NECTIN4: variants seen among roughly 807,000 people sequenced by gnomAD.
NECTIN4 encodes nectin cell adhesion molecule 4.
A neutral mutation model predicts 51.7 loss-of-function variants in NECTIN4; 19 were observed. The observed-to-expected ratio is 0.37, with a 90% confidence interval of 0.26 to 0.54. The LOEUF (loss-of-function observed/expected upper bound fraction) is 0.54, where lower values mean the gene tolerates loss of function less well. Ranked by LOEUF, NECTIN4 falls within the 20% of genes least tolerant of loss-of-function variation. NECTIN4 has a pLI of 0.86. For synonymous variants in NECTIN4, 283 were observed against 286.9 expected, an observed-to-expected ratio of 0.99 and a Z score of 0.14; for missense variants, 619 against 662.4, an observed-to-expected ratio of 0.93 and a Z score of 0.72.
At chr1:161,084,202 G>C (rs1653823809) in intron 1 of NECTIN4, among the ~76,000 whole-genome samples, 2 of 152,148 alleles carry the variant, frequency 1.3e-5, no homozygotes, top group African/African-American at 4.8e-5. Flanking sequence ...ACATATATGT[G>C]TTCATGTCTT....
intron 1 of NECTIN4, among the ~76,000 whole-genome samples, chr1:161,086,278 C>T (rs77038043): frequency 1.7e-4 from 26 of 152,272 alleles, no homozygotes; most frequent in African/African-American, 4.6e-4. Flanking sequence ...CTCCTTGGCC[C>T]GGCCTCCTTA....
At chr1:161,082,069 C>A (rs1653702702) in intron 1 of NECTIN4, among the ~76,000 whole-genome samples, 1 of 152,048 alleles carries the variant, frequency 6.6e-6, no homozygotes, top group Admixed American at 6.6e-5. Context: ...GTGGCTCACA[C>A]CCTAATCCCA....
chr1:161,076,490 G>A lies in NECTIN4; in HGVS notation c.731-15C>T, dbSNP rs1205236646. ...CTCAGCAAGGACTGGAATGGGAAGT[G>A]GGAGGAGAAAGAATGGGAATGATGC... On this transcript the variant is annotated splice_polypyrimidine_tract_variant and intron_variant, in intron 3 of 8. Coordinates refer to ENST00000368012, the MANE Select transcript of NECTIN4 (RefSeq NM_030916.3). The A allele has an allele frequency of 6.2e-7, 1 of 1,613,790 alleles. No homozygotes were observed.
At chr1:161,073,864 T>C in intron 6 of NECTIN4, 69 bp from the exon 7 acceptor site, 1 of 1,404,840 alleles carries the variant, frequency 7.1e-7, no homozygotes, top group East Asian at 2.3e-5. Flanking sequence ...CTATCCTGGC[T>C]GAGCCTAGTG....
rs776577224 is a variant in NECTIN4, at chr1:161,076,425, T to C, written c.781A>G (p.Ile261Val). The C allele has an allele frequency of 2.5e-6, 4 of 1,614,172 alleles. No individual in the cohort carries two copies. Among genetic ancestry groups the C allele is most frequent in the Non-Finnish European group, 2.5e-6 (3 of 1,180,006 alleles). The change falls in exon 4 of 9, where the codon ATT becomes GTT. Residue 261 changes from isoleucine to valine, a missense_variant. Physicochemically the swap from Ile to Val is conservative, Grantham distance 29. Transcript: ENST00000368012. The stretch of plus-strand genomic sequence containing the variant: ...TTGAGCATAGCTCCTTCTCTGCCAA[T>C]GTGCCACAGATTTTGGTCTTCAAGG... ...RGLEDQNLWH[I>V]GREGAMLKCL... is the part of the protein sequence containing the mutation.
intron 4 of NECTIN4, among the ~76,000 whole-genome samples, chr1:161,075,191 G>T (rs565643824): frequency 6.6e-6 from 1 of 152,168 alleles, no homozygotes; most frequent in Non-Finnish European, 1.5e-5. Context: ...CACATGCATC[G>T]CTCATATGCT....
rs1230453070 is a variant in NECTIN4, at chr1:161,077,559, G to T, written c.624C>A (p.Phe208Leu). The change falls in exon 3 of 9, where the codon TTC becomes TTA. Residue 208 changes from phenylalanine (F) to leucine (L), a missense_variant. By Grantham distance (22) the Phe-to-Leu change is conservative (BLOSUM62 0). Transcript: ENST00000368012. ...HSRSAAVTSE[F>L]HLVPSRSMNG... ...TCATGCTGCGGCTAGGCACCAAGTG[G>T]AACTCTGAGGTGACGGCAGCAGAGC... The T allele has an allele frequency of 6.2e-7, 1 of 1,613,930 alleles. No homozygotes were observed. Among genetic ancestry groups the T allele is most frequent in the Admixed American group, 1.7e-5 (1 of 60,004 alleles).
intron 1 of NECTIN4, among the ~76,000 whole-genome samples, chr1:161,083,470 G>A (rs969791021): frequency 1.3e-5 from 2 of 152,200 alleles, no homozygotes; most frequent in African/African-American, 4.8e-5. Flanking sequence ...TGCCTGCCTG[G>A]TGAGGTCACC....
intron 4 of NECTIN4, 109 bp from the exon 5 acceptor site, chr1:161,074,868 C>A: frequency 1.6e-6 from 2 of 1,241,600 alleles, no homozygotes; most frequent in Non-Finnish European, 2.3e-6. Context: ...TCACCCAGAG[C>A]CGCAGGCTGT....
At chr1:161,086,843 G>C (rs150953584) in intron 1 of NECTIN4, 3 of 152,438 alleles carry the variant, frequency 2.0e-5, no homozygotes, top group Admixed American at 2.0e-4. Flanking sequence ...CCTGGGGAAA[G>C]GTACTCTGGT....
chr1:161,073,691 G>C (rs552123854), intron 7 of NECTIN4, 29 bp downstream of exon 7: 1 of 1,591,612 alleles, frequency 6.3e-7, no homozygotes, highest in South Asian at 1.1e-5. Context: ...CCACACCCCT[G>C]CATGCATACA....
At chr1:161,072,986 C>T in intron 8 of NECTIN4, 101 bp from the exon 9 acceptor site, 1 of 1,217,236 alleles carries the variant, frequency 8.2e-7, no homozygotes, top group Non-Finnish European at 1.2e-6. Context: ...CAGGCGTAAG[C>T]AGGGGTAACG....
chr1:161,088,921 A>G (rs957006116), intron 1 of NECTIN4, among the ~76,000 whole-genome samples: 1 of 152,116 alleles, frequency 6.6e-6, no homozygotes, highest in Non-Finnish European at 1.5e-5. Context: ...ACACTGGGTC[A>G]CCACGTCTAT....
At chr1:161,074,072 C>G in intron 6 of NECTIN4, 145 bp downstream of exon 6, 1 of 1,014,056 alleles carries the variant, frequency 9.9e-7, no homozygotes, top group Non-Finnish European at 1.5e-6. Flanking sequence ...AGCTCCTCCT[C>G]AGCCCTAGAA....
Position 161,088,080 on chromosome 1 carries a change from A to C in NECTIN4, c.79+1138T>G, listed in dbSNP as rs373480386. Among the ~76,000 whole-genome samples, 7 of 152,310 alleles carry C rather than the reference A, an allele frequency of 4.6e-5. No homozygotes were observed. The East Asian group carries it at 7.7e-4, about 17-fold the overall frequency. The stretch of plus-strand genomic sequence containing the variant: ...GAGGGGATGGCAGGGGTAGGAGCTC[A>C]GTATCCTACGACTGGAGGCTGGGCC... On this transcript the variant is annotated intron_variant, in intron 1 of 8. Coordinates refer to ENST00000368012, the MANE Select transcript of NECTIN4 (RefSeq NM_030916.3).
chr1:161,082,616 A>G (rs999006920), intron 1 of NECTIN4, among the ~76,000 whole-genome samples: 4 of 152,098 alleles, frequency 2.6e-5, no homozygotes, highest in African/African-American at 9.7e-5. Context: ...GGGAAGAAGG[A>G]TGCTGAGAGG....
In NECTIN4 at chr1:161,072,145, C is replaced by T. The variant is rs560200648; in HGVS notation, c.*516G>A. ...GGCAGATTCCAGCTCCAGCTATGCC[C>T]GCACACCTGGGTCTGAGCCACAGTC... On this transcript the variant is annotated 3_prime_UTR_variant, in exon 9 of 9. Transcript: ENST00000368012. 1.9e-5 allele frequency: 4 copies of T among 209,552 alleles called. No homozygotes were observed. Among genetic ancestry groups the T allele is most frequent in the South Asian group, 7.5e-5 (1 of 13,368 alleles). The allele number at this position is 209,552 out of a possible 1,614,324, so 13.0% of individuals were successfully genotyped here.
At chr1:161,074,090 G>A in intron 6 of NECTIN4, 127 bp downstream of exon 6, 2 of 1,198,092 alleles carry the variant, frequency 1.7e-6, no homozygotes, top group Non-Finnish European at 1.2e-6. Flanking sequence ...GAAACACCCT[G>A]CCCACCTCTA....
In NECTIN4 at chr1:161,079,960, CAG is replaced by C; in HGVS notation, c.80-13_80-12del. ...CCGCGGGGCACCGGCCTGCAGGGGGCAGAGAGGGACAGCCACCATTAGGGGTG... is the reference window on the plus strand; with the variant it reads ...CCGCGGGGCACCGGCCTGCAGGGGGCAGAGGGACAGCCACCATTAGGGGTG... On this transcript the variant is annotated splice_polypyrimidine_tract_variant and intron_variant, in intron 1 of 8. Coordinates refer to ENST00000368012, the MANE Select transcript of NECTIN4 (RefSeq NM_030916.3). 6.3e-7 allele frequency: 1 copy of C among 1,586,066 alleles called. No individual in the cohort carries two copies.
Sources: gnomAD v4.1 joint callset for allele counts (sites outside exome capture counted in the v4.1 genomes callset) on GRCh38, gnomAD v4.1.1 for gene constraint, MANE v1.5 for transcripts, NCBI Gene and HGNC (gene_info 2026-07-23, HGNC 2026-07-21) for gene names.